Variants in CTXN3 observed in about 807,000 individuals in gnomAD.
The protein encoded by CTXN3 is cortexin 3, also known as cortexin-3.
Under a neutral mutation model 5.0 loss-of-function variants are expected in CTXN3, and 4 were observed. The ratio of observed to expected loss-of-function variants is 0.79; its 90% CI spans 0.39 to 1.82. The LOEUF is 1.82. CTXN3 is among the 40% of genes most tolerant of loss of function. The pLI is 0.04. For missense variants in CTXN3, 89 were observed against 99.7 expected (o/e 0.89, Z 0.46); for synonymous variants, 48 against 38.6 (o/e 1.24, Z -0.91).
At chr5:127,650,416 C>T (rs763584350) in intron 1 of CTXN3, among the ~76,000 whole-genome samples, 29 of 152,166 alleles carry the variant, frequency 1.9e-4, no homozygotes, top group Middle Eastern at 3.4e-3. Flanking sequence ...ACCCTTAGCC[C>T]CCCTTTGAAT....
At chr5:127,651,729 G>T (rs1381686735) in intron 1 of CTXN3, 1 of 151,848 alleles carries the variant, frequency 6.6e-6, no homozygotes, top group Admixed American at 6.6e-5. Flanking sequence ...CAAAAGGGTG[G>T]GCTCTTGAGT....
At chr5:127,656,463 C>T (rs1024913623) in intron 2 of CTXN3, among the ~76,000 whole-genome samples, 1 of 152,174 alleles carries the variant, frequency 6.6e-6, no homozygotes, top group Non-Finnish European at 1.5e-5. Flanking sequence ...TAGGAAGCCA[C>T]TCTAAGGAAA....
chr5:127,656,054 T>G (rs1580997685), intron 2 of CTXN3, among the ~76,000 whole-genome samples: 6 of 152,354 alleles, frequency 3.9e-5, no homozygotes, highest in Admixed American at 3.9e-4. Flanking sequence ...AACATTGTAT[T>G]GATGCTTTAG....
intron 1 of CTXN3, among the ~76,000 whole-genome samples, chr5:127,649,875 G>A (rs550597348): frequency 2.6e-5 from 4 of 152,210 alleles, no homozygotes; most frequent in South Asian, 2.1e-4. Context: ...GCAAGTAGCC[G>A]TTTTCACTAT....
rs1189606666 is a variant in CTXN3, at chr5:127,657,536, G to A, written c.15G>A (p.Gln5=). The A allele has an allele frequency of 1.2e-6, 2 of 1,613,868 alleles. No homozygotes were observed. The highest frequency in any genetic ancestry group is 1.7e-5 in the Admixed American group (1 of 60,004). MDGG[Q]PIPSSLVPLG... ...TTCCCTGGACCATGGATGGAGGACA[G>A]CCCATCCCCTCATCCCTAGTGCCCC... Residue 5 remains glutamine, a synonymous_variant, in exon 3 of 3, where the codon CAG becomes CAA. Coordinates refer to ENST00000379445, the MANE Select transcript of CTXN3 (RefSeq NM_001048252.3).
intron 2 of CTXN3, among the ~76,000 whole-genome samples, chr5:127,654,298 G>C (rs571561731): frequency 6.6e-6 from 1 of 152,258 alleles, no homozygotes; most frequent in East Asian, 1.9e-4. Flanking sequence ...TATCAGGAAA[G>C]GTTTGGTGAT....
At chr5:127,654,094 G>T (rs531014285) in intron 2 of CTXN3, among the ~76,000 whole-genome samples, 1 of 152,230 alleles carries the variant, frequency 6.6e-6, no homozygotes, top group African/African-American at 2.4e-5. Flanking sequence ...ACAAATTCCT[G>T]CTAGCACATT....
intron 1 of CTXN3, among the ~76,000 whole-genome samples, chr5:127,649,738 A>G (rs1749745734): frequency 6.6e-6 from 1 of 151,994 alleles, no homozygotes; most frequent in Non-Finnish European, 1.5e-5. Context: ...AAAACGTCCA[A>G]CCTTCCAAAA....
intron 2 of CTXN3, 172 bp downstream of exon 2, chr5:127,653,595 G>A (rs1358593457): frequency 1.3e-5 from 2 of 152,156 alleles, no homozygotes; most frequent in Non-Finnish European, 2.9e-5. Flanking sequence ...CATTTTCTAA[G>A]AATCATTTTT....
chr5:127,654,736 C>T (rs1009778910), intron 2 of CTXN3, among the ~76,000 whole-genome samples: 1 of 152,086 alleles, frequency 6.6e-6, no homozygotes, highest in East Asian at 1.9e-4. Flanking sequence ...CACAATGTTG[C>T]TCATCAAGTG....
At chr5:127,653,261 A>G (rs555241153) in intron 1 of CTXN3, 56 bp from the exon 2 acceptor site, 64 of 152,328 alleles carry the variant, frequency 4.2e-4, no homozygotes, top group African/African-American at 1.5e-3. Context: ...AAGGGAATGT[A>G]TTATATGACT....
At chr5:127,653,615 G>A (rs1749841484) in intron 2 of CTXN3, 192 bp downstream of exon 2, 1 of 152,144 alleles carries the variant, frequency 6.6e-6, no homozygotes, top group Non-Finnish European at 1.5e-5. Context: ...TACCAAAAAG[G>A]GACATTTTAC....
chr5:127,657,821 G>A lies in CTXN3; in HGVS notation c.*54G>A. The stretch of plus-strand genomic sequence containing the variant: ...GAGATGAAGTGCTTTGTGTCTTGGT[G>A]AGGATTCCCTTTATTTAGTGTTCTC... On this transcript the variant is annotated 3_prime_UTR_variant, in exon 3 of 3. Transcript: ENST00000379445. 2 of 1,599,882 alleles carry A rather than the reference G, an allele frequency of 1.3e-6. No individual in the cohort carries two copies. The highest frequency in any genetic ancestry group is 1.7e-6 in the Non-Finnish European group (2 of 1,170,226).
intron 2 of CTXN3, 25 bp from the exon 3 acceptor site, chr5:127,657,398 C>T: frequency 4.6e-6 from 5 of 1,075,928 alleles, no homozygotes; most frequent in Non-Finnish European, 6.7e-6. Context: ...TATAGGTATT[C>T]CTTTCCCTTC....
chr5:127,654,721 G>A (rs746257017), intron 2 of CTXN3, among the ~76,000 whole-genome samples: 3 of 152,104 alleles, frequency 2.0e-5, no homozygotes, highest in Non-Finnish European at 2.9e-5. Flanking sequence ...GACTACTCCT[G>A]GGGTCACAAT....
intron 1 of CTXN3, among the ~76,000 whole-genome samples, chr5:127,650,264 C>G (rs923476827): frequency 2.0e-5 from 3 of 152,118 alleles, no homozygotes; most frequent in Non-Finnish European, 4.4e-5. Context: ...ACAGACTTCC[C>G]AGTGCAGCAG....
In CTXN3 at chr5:127,657,758, C is replaced by T; in HGVS notation, c.237C>T (p.Ala79=). 2 of 1,613,958 alleles carry T rather than the reference C, an allele frequency of 1.2e-6. No homozygotes were observed. The highest frequency in any genetic ancestry group is 1.1e-5 in the South Asian group (1 of 91,030). ...TGGAGAAAGGGCAGTTCGACCATGCCCTTGCTTAGGAGGGATGGTGTGGGA... is the reference window on the plus strand; with the variant it reads ...TGGAGAAAGGGCAGTTCGACCATGCTCTTGCTTAGGAGGGATGGTGTGGGA... ...EGLEKGQFDH[A]LA is the part of the protein sequence containing the mutation. Residue 79 remains alanine, a synonymous_variant, in exon 3 of 3, where the codon GCC becomes GCT. Transcript: ENST00000379445.
chr5:127,657,378 G>A (rs1749932837), intron 2 of CTXN3, 45 bp from the exon 3 acceptor site: 1 of 848,160 alleles, frequency 1.2e-6, no homozygotes, highest in African/African-American at 1.7e-5. Context: ...AAAAAATAAG[G>A]CTGCTATTTT....
rs192620541 is a variant in CTXN3, at chr5:127,649,759, A to G, written c.-207+371A>G. Among the ~76,000 whole-genome samples, 403 of 152,086 alleles carry G rather than the reference A, an allele frequency of 2.6e-3. 2 individuals are homozygous for G. Among genetic ancestry groups the G allele is most frequent in the African/African-American group, 9.5e-3 (393 of 41,496 alleles). ...TCCAACCTTCCAAAATGTAACAAGG[A>G]TGTTCTGATTTGTTTACAAAGGATC... On this transcript the variant is annotated intron_variant, in intron 1 of 2. Coordinates refer to ENST00000379445, the MANE Select transcript of CTXN3 (RefSeq NM_001048252.3).
Sources: allele counts gnomAD v4.1 joint callset (sites outside exome capture counted in the v4.1 genomes callset), GRCh38; gene constraint gnomAD v4.1.1; transcripts MANE v1.5; gene names NCBI Gene and HGNC (gene_info 2026-07-23, HGNC 2026-07-21).